MVP: variants seen among roughly 807,000 people sequenced by gnomAD.
MVP encodes lung resistance-related protein.
MVP carries 62 observed loss-of-function variants against 83.5 expected under a neutral mutation model. The observed-to-expected ratio is 0.74, with a 90% confidence interval of 0.61 to 0.92. MVP has a LOEUF of 0.92. MVP is among the 40% of genes least tolerant of loss of function. The pLI, the probability that MVP is intolerant of heterozygous loss-of-function variation, is 0.00. For synonymous variants in MVP, 505 were observed against 504.1 expected, an observed-to-expected ratio of 1.00 and a Z score of -0.02; for missense variants, 1,000 against 1,203.4, an observed-to-expected ratio of 0.83 and a Z score of 2.50.
chr16:29,833,606 G>C (rs1325700755), intron 3 of MVP, 127 bp from the exon 4 acceptor site: 1 of 1,308,144 alleles, frequency 7.6e-7, no homozygotes, highest in Non-Finnish European at 1.0e-6. Flanking sequence ...CACTGTGCCC[G>C]GCCTCCACCC....
chr16:29,841,009 C>T lies in MVP; in HGVS notation c.1191+550C>T, dbSNP rs1018483062. ...GACAGGGACCCTTTCCCACAGCAGA[C>T]CTGGTTTCCAGCATAAAGGTCTGAT... On this transcript the variant is annotated intron_variant, in intron 8 of 14. Transcript: ENST00000357402. The surrounding 1 kb of genome is among the most constrained non-coding windows in gnomAD (Gnocchi z 4.7). Among the ~76,000 whole-genome samples the T allele has an allele frequency of 6.6e-6, 1 of 152,000 alleles. No individual in the cohort carries two copies. Among genetic ancestry groups the T allele is most frequent in the Admixed American group, 6.6e-5 (1 of 15,228 alleles).
intron 11 of MVP, among the ~76,000 whole-genome samples, chr16:29,845,095 G>A (rs1017609479): frequency 2.0e-5 from 3 of 151,956 alleles, no homozygotes; most frequent in Non-Finnish European, 4.4e-5. Flanking sequence ...GGCTGAGGCA[G>A]GAAGATCACT....
chr16:29,839,119 C>T (rs1182018937), intron 7 of MVP, among the ~76,000 whole-genome samples: 1 of 151,764 alleles, frequency 6.6e-6, no homozygotes, highest in Non-Finnish European at 1.5e-5. Context: ...ACCTGGAAGA[C>T]AGTAGTTGCA....
intron 3 of MVP, 128 bp from the exon 4 acceptor site, chr16:29,833,605 C>A: frequency 7.7e-7 from 1 of 1,302,942 alleles, no homozygotes. Flanking sequence ...CCACTGTGCC[C>A]GGCCTCCACC....
chr16:29,841,556 C>A lies in MVP; in HGVS notation c.1192-40C>A, dbSNP rs1185311320. 6.5e-7 allele frequency: 1 copy of A among 1,535,864 alleles called. No homozygotes were observed. Among genetic ancestry groups the A allele is most frequent in the South Asian group, 1.3e-5 (1 of 78,926 alleles). On this transcript the variant is annotated intron_variant, in intron 8 of 14. Coordinates refer to ENST00000357402, the MANE Select transcript of MVP (RefSeq NM_005115.5). The surrounding 1 kb of genome is among the most constrained non-coding windows in gnomAD (Gnocchi z 4.7). ...CAGCTGGGCGGATCTTCCTCCCTTC[C>A]ACCCTTACGGGCAGCTTCCCTCCCT...
intron 1 of MVP, among the ~76,000 whole-genome samples, chr16:29,828,108 G>A (rs992538250): frequency 2.7e-5 from 4 of 150,042 alleles, no homozygotes; most frequent in Non-Finnish European, 5.9e-5. Flanking sequence ...TTACAGGCAC[G>A]TGCCACCATG....
intron 12 of MVP, 86 bp downstream of exon 12, chr16:29,846,065 G>A: frequency 6.2e-7 from 1 of 1,608,974 alleles, no homozygotes; most frequent in Non-Finnish European, 8.5e-7. Context: ...TGGGTGGGGT[G>A]TCGATGAGAC....
At chr16:29,830,397 G>A (rs1296679756) in intron 1 of MVP, 118 bp from the exon 2 acceptor site, 6 of 791,276 alleles carry the variant, frequency 7.6e-6, no homozygotes, top group African/African-American at 6.9e-5. Context: ...AGGGAAGGGT[G>A]CAGTGGCCTG....
intron 7 of MVP, among the ~76,000 whole-genome samples, chr16:29,837,237 G>T (rs1169901084): frequency 1.3e-5 from 2 of 152,214 alleles, no homozygotes; most frequent in African/African-American, 4.8e-5. Context: ...GCCACTTAAT[G>T]ATGGGGATAC....
rs2067439380 is a variant in MVP at position 29,831,146 on chromosome 16, T to G, written c.321+73T>G. 67 of 1,351,146 alleles carry G rather than the reference T, an allele frequency of 5.0e-5. 1 individual carries two copies. The highest frequency in any genetic ancestry group is 4.8e-4 in the Middle Eastern group (2 of 4,196). 83.7% of individuals were successfully genotyped at this position (1,351,146 alleles called of 1,614,324 possible). A position where few individuals can be genotyped will look rare whatever the true frequency, so the allele number is the denominator to read the frequency against. On this transcript the variant is annotated intron_variant, in intron 3 of 14. Transcript: ENST00000357402. The stretch of plus-strand genomic sequence containing the variant: ...CTGCCTTGGGCTCTATACTGCTGCC[T>G]TCTTCTTCTTTTTTTCTTTTCTTTT...
intron 7 of MVP, among the ~76,000 whole-genome samples, chr16:29,838,909 G>A (rs1262629191): frequency 6.6e-6 from 1 of 152,158 alleles, no homozygotes; most frequent in Non-Finnish European, 1.5e-5. Flanking sequence ...GAAGCCAGCT[G>A]GACGCAGTGG....
intron 1 of MVP, chr16:29,822,476 T>TATTCTCACA (rs1281465984): frequency 5.9e-5 from 9 of 152,220 alleles, no homozygotes; most frequent in African/African-American, 2.2e-4. Context: ...TTAACTTAAA[T>TATTCTCACA]CAGTGAGAAA....
intron 12 of MVP, 30 bp from the exon 13 acceptor site, chr16:29,846,128 G>A (rs1038613053): frequency 1.7e-5 from 27 of 1,602,342 alleles, no homozygotes; most frequent in Non-Finnish European, 2.0e-5. Flanking sequence ...GCTGTCTCCC[G>A]GGTCTTACCT....
intron 6 of MVP, 57 bp from the exon 7 acceptor site, chr16:29,836,665 G>A (rs890619730): frequency 1.3e-5 from 18 of 1,414,584 alleles, no homozygotes; most frequent in African/African-American, 1.2e-4. Flanking sequence ...AATGGGGCTC[G>A]CAGATCCCCT....
intron 1 of MVP, among the ~76,000 whole-genome samples, chr16:29,825,704 A>G (rs2067400273): frequency 6.6e-6 from 1 of 152,222 alleles, no homozygotes; most frequent in African/African-American, 2.4e-5. Context: ...TGGGCGAGGC[A>G]TTCAGACCCC....
intron 6 of MVP, 47 bp downstream of exon 6, chr16:29,835,845 C>A (rs1335486843): frequency 2.0e-6 from 3 of 1,506,330 alleles, no homozygotes; most frequent in Non-Finnish European, 2.8e-6. Context: ...GGCTAGGGAA[C>A]CCTCCGAGTG....
chr16:29,835,841 G>A, intron 6 of MVP, 43 bp downstream of exon 6: 1 of 1,544,126 alleles, frequency 6.5e-7, no homozygotes, highest in Non-Finnish European at 8.9e-7. Context: ...CTGGGGCTAG[G>A]GAACCCTCCG....
intron 5 of MVP, 157 bp downstream of exon 5, chr16:29,834,223 C>T: frequency 1.0e-6 from 1 of 993,802 alleles, no homozygotes; most frequent in Non-Finnish European, 1.4e-6. Flanking sequence ...CTCTTCCTTC[C>T]CCACCCCCGC....
intron 3 of MVP, among the ~76,000 whole-genome samples, chr16:29,832,596 C>CT (rs1177021376): frequency 0.048 from 5,893 of 122,770 alleles, 281 homozygotes; most frequent in Non-Finnish European, 0.072. Flanking sequence ...CGCGCCTGGC[C>CT]TTTTTTTTTT....
Sources: gnomAD v4.1 joint callset for allele counts (sites outside exome capture counted in the v4.1 genomes callset) on GRCh38, gnomAD v4.1.1 for gene constraint, Gnocchi (gnomAD v3.1) non-coding constraint, MANE v1.5 for transcripts, NCBI Gene and HGNC (gene_info 2026-07-23, HGNC 2026-07-21) for gene names.